The following SRGAP1 variants were observed in gnomAD, a reference collection of about 807,000 sequenced individuals.
SRGAP1 encodes the protein SLIT-ROBO Rho GTPase-activating protein 1.
A neutral mutation model predicts 121.9 loss-of-function variants in SRGAP1; 43 were observed. The ratio of observed to expected loss-of-function variants is 0.35; its 90% CI spans 0.28 to 0.46. The LOEUF (loss-of-function observed/expected upper bound fraction) is 0.46. Among genes scored for constraint, SRGAP1 ranks in the 20% least tolerant of loss-of-function variants. SRGAP1 has a pLI of 1.00. For missense variants in SRGAP1, 1,102 were observed against 1,350.9 expected (o/e 0.82, Z 2.89); for synonymous variants, 447 against 485.4 (o/e 0.92, Z 1.04).
rs1246030473 is a variant in SRGAP1 at position 63,981,936 on chromosome 12, G to C, written c.68-2011G>C. Among the ~76,000 whole-genome samples, 5 of 151,592 alleles carry C rather than the reference G, an allele frequency of 3.3e-5. No individual in the cohort carries two copies. In the East Asian group the frequency reaches 9.8e-4, roughly 30 times the overall value. The stretch of plus-strand genomic sequence containing the variant: ...ATAGAAGGATGGGAAGTGTTTGGCC[G>C]GGCGCGGTGGCTCACGCCTGTAATC... On this transcript the variant is annotated intron_variant, in intron 1 of 21. Coordinates refer to ENST00000355086, the MANE Select transcript of SRGAP1 (RefSeq NM_020762.4).
rs996027329 is a variant in SRGAP1, at chr12:64,155,030, A to C, written c.*12358A>C. On this transcript the variant is annotated 3_prime_UTR_variant, in exon 22 of 22. Transcript: ENST00000355086. ...AAAATAGTTAACATTTGTTAAATAT[A>C]TATATTTTTTTCTTTTTCTTTTTCT... 1.3e-5 allele frequency: 2 copies of C among 152,082 alleles called. No individual in the cohort carries two copies. Among genetic ancestry groups the C allele is most frequent in the Non-Finnish European group, 2.9e-5 (2 of 68,070 alleles). 9.4% of individuals were successfully genotyped at this position (152,082 alleles called of 1,614,324 possible).
intron 3 of SRGAP1, among the ~76,000 whole-genome samples, chr12:64,005,510 GT>G (rs2034052838): frequency 6.6e-6 from 1 of 152,114 alleles, no homozygotes; most frequent in Admixed American, 6.5e-5. Context: ...GCTGGGCATG[GT>G]GGTGTACATC....
In SRGAP1 at chr12:64,142,465, C is replaced by T. The variant is rs776083679; in HGVS notation, c.3051C>T (p.Leu1017=). 7.4e-6 allele frequency: 12 copies of T among 1,614,046 alleles called. No individual in the cohort carries two copies. In the East Asian group the frequency reaches 1.1e-4, roughly 15 times the overall value. ...ESLSPLHNVA[L]RSSEPQIRRS... is the part of the protein sequence containing the mutation. ...TCAGCCCTTTGCACAACGTTGCCCT[C>T]AGGAGCTCCGAGCCTCAGATTCGAC... Residue 1017 remains leucine (L), a synonymous_variant, in exon 22 of 22, where the codon CTC becomes CTT. Transcript: ENST00000355086.
At chr12:63,905,793 C>T (rs1348301623) in intron 1 of SRGAP1, among the ~76,000 whole-genome samples, 1 of 152,198 alleles carries the variant, frequency 6.6e-6, no homozygotes, top group Non-Finnish European at 1.5e-5. Flanking sequence ...AGCTATAGCA[C>T]AGCAAAATGC....
intron 3 of SRGAP1, among the ~76,000 whole-genome samples, chr12:64,002,045 TC>T (rs1262786864): frequency 6.6e-6 from 1 of 152,198 alleles, no homozygotes; most frequent in African/African-American, 2.4e-5. Flanking sequence ...CATTATGTTT[TC>T]CACTTCTTTT....
intron 3 of SRGAP1, among the ~76,000 whole-genome samples, chr12:64,007,108 A>G (rs554050364): frequency 1.3e-5 from 2 of 152,102 alleles, no homozygotes; most frequent in Non-Finnish European, 2.9e-5. Flanking sequence ...CTTAGCTTCA[A>G]CCCCTTGAAA....
chr12:63,951,546 G>C lies in SRGAP1; in HGVS notation c.68-32401G>C, dbSNP rs866102164. Among the ~76,000 whole-genome samples, 7 of 152,300 alleles carry C rather than the reference G, an allele frequency of 4.6e-5. No homozygotes were observed. In the South Asian group the frequency reaches 1.0e-3, roughly 23 times the overall value. ...TTCCAGCAGCCACAGCAGCAAAACT[G>C]ATCTGAAAAACAACTCTATCAAAAT... On this transcript the variant is annotated intron_variant, in intron 1 of 21. Coordinates refer to ENST00000355086, the MANE Select transcript of SRGAP1 (RefSeq NM_020762.4).
chr12:64,005,053 G>A (rs955530825), intron 3 of SRGAP1, among the ~76,000 whole-genome samples: 1 of 152,156 alleles, frequency 6.6e-6, no homozygotes, highest in Non-Finnish European at 1.5e-5. Context: ...GAATATGGCT[G>A]TCAGATTTAT....
At chr12:63,948,049 A>G (rs778072779) in intron 1 of SRGAP1, among the ~76,000 whole-genome samples, 2 of 151,660 alleles carry the variant, frequency 1.3e-5, no homozygotes, top group Non-Finnish European at 2.9e-5. Context: ...ATATAATCTC[A>G]CTGTTCTACT....
chr12:64,136,639 A>G (rs2136648131), intron 21 of SRGAP1, among the ~76,000 whole-genome samples: 1 of 152,364 alleles, frequency 6.6e-6, no homozygotes, highest in East Asian at 1.9e-4. Flanking sequence ...ATAGCAAATT[A>G]GATTGTGAGA....
chr12:64,142,578 T>C lies in SRGAP1; in HGVS notation c.3164T>C (p.Leu1055Pro). 1 of 1,614,200 alleles carries C rather than the reference T, an allele frequency of 6.2e-7. No individual in the cohort carries two copies. Among genetic ancestry groups the C allele is most frequent in the East Asian group, 2.2e-5 (1 of 44,872 alleles). The change falls in exon 22 of 22, where the codon CTT becomes CCT. Residue 1055 changes from leucine (L) to proline (P), a missense_variant. Transcript: ENST00000355086. The part of the protein sequence containing the change: ...RMGVQLKPPA[L>P]RPKPAVLPKT... ...GGCGTGCAGCTGAAGCCTCCAGCCC[T>C]TAGGCCAAAACCTGCTGTTCTTCCA... is the stretch of plus-strand genomic sequence containing the variant.
At chr12:63,953,324 G>A (rs952797485) in intron 1 of SRGAP1, among the ~76,000 whole-genome samples, 6 of 151,668 alleles carry the variant, frequency 4.0e-5, no homozygotes, top group African/African-American at 1.2e-4. Flanking sequence ...CTTCTCAGAA[G>A]GAAAAGCCTT....
chr12:64,064,266 A>G (rs1434233395), intron 7 of SRGAP1, among the ~76,000 whole-genome samples: 1 of 152,174 alleles, frequency 6.6e-6, no homozygotes, highest in Non-Finnish European at 1.5e-5. Context: ...ATGTTTTGGA[A>G]ACTCTATAAA....
rs1223700896 is a variant in SRGAP1, at chr12:64,045,437, A to AT, written c.801+1876dup. 3.4e-3 allele frequency among the ~76,000 whole-genome samples: 490 copies of AT among 143,298 alleles called. 1 individual carries two copies. Among genetic ancestry groups the AT allele is most frequent in the African/African-American group, 5.3e-3 (208 of 39,204 alleles). The allele number at this position is 143,298 out of a possible 152,430, so 94.0% of individuals were successfully genotyped here. ...GGAGTACTTGGCTAAATCCAAACCA[A>AT]TTTTTTTTTTTTTTCTGAGATGGAG... On this transcript the variant is annotated intron_variant, in intron 6 of 21. Transcript: ENST00000355086.
At chr12:63,848,044 T>C (rs1898959728) in intron 1 of SRGAP1, among the ~76,000 whole-genome samples, 1 of 151,366 alleles carries the variant, frequency 6.6e-6, no homozygotes, top group Non-Finnish European at 1.5e-5. Flanking sequence ...ATCGGTCTGC[T>C]GCCCAGGCCA....
intron 1 of SRGAP1, among the ~76,000 whole-genome samples, chr12:63,902,685 T>G (rs1314915494): frequency 6.6e-6 from 1 of 152,230 alleles, no homozygotes; most frequent in Non-Finnish European, 1.5e-5. Flanking sequence ...AATTCTAAAC[T>G]TTGAAACAAA....
chr12:64,031,996 A>G (rs950294545), intron 4 of SRGAP1, among the ~76,000 whole-genome samples: 8 of 152,188 alleles, frequency 5.3e-5, no homozygotes, highest in Non-Finnish European at 7.3e-5. Flanking sequence ...GCTACTCTGT[A>G]AATTTACTAG....
intron 15 of SRGAP1, among the ~76,000 whole-genome samples, chr12:64,100,423 A>T (rs927012842): frequency 2.6e-5 from 4 of 152,212 alleles, no homozygotes; most frequent in Non-Finnish European, 5.9e-5. Context: ...CTATGGAGAT[A>T]TCTCATGTAA....
intron 1 of SRGAP1, among the ~76,000 whole-genome samples, chr12:63,908,380 AT>A (rs2136313877): frequency 6.6e-6 from 1 of 152,186 alleles, no homozygotes; most frequent in East Asian, 1.9e-4. Flanking sequence ...CTTCTTTAAT[AT>A]TTTTCAACAA....
Sources: allele counts gnomAD v4.1 joint callset (sites outside exome capture counted in the v4.1 genomes callset), GRCh38; gene constraint gnomAD v4.1.1; transcripts MANE v1.5; gene names NCBI Gene and HGNC (gene_info 2026-07-23, HGNC 2026-07-21).